NPAS3: variants seen among roughly 807,000 people sequenced by gnomAD.
The protein encoded by NPAS3 is neuronal PAS domain protein 3, also known as neuronal PAS domain-containing protein 3.
NPAS3 carries 14 observed loss-of-function variants against 73.1 expected under a neutral mutation model. That is an observed-to-expected ratio of 0.19 (90% CI 0.13 to 0.30). The LOEUF (loss-of-function observed/expected upper bound fraction) is 0.30, where lower values mean the gene tolerates loss of function less well. Among genes scored for constraint, NPAS3 ranks in the 10% least tolerant of loss-of-function variants. The probability of loss-of-function intolerance (pLI) is 1.00; values close to 1 mark genes in which losing one functional copy is unlikely to be tolerated. For missense variants in NPAS3, 1,096 were observed against 1,250.0 expected (o/e 0.88, Z 1.86); for synonymous variants, 620 against 541.5 (o/e 1.14, Z -2.01).
intron 4 of NPAS3, among the ~76,000 whole-genome samples, chr14:33,540,753 G>C (rs941354830): frequency 6.6e-6 from 1 of 152,138 alleles, no homozygotes; most frequent in Non-Finnish European, 1.5e-5. Flanking sequence ...GGGATTCAGG[G>C]AAGGGAACGA....
chr14:33,053,183 C>A (rs1265053033), intron 1 of NPAS3, among the ~76,000 whole-genome samples: 1 of 152,118 alleles, frequency 6.6e-6, no homozygotes, highest in Admixed American at 6.5e-5. Context: ...CTAGACAAAT[C>A]CCCTGTTATT....
intron 4 of NPAS3, among the ~76,000 whole-genome samples, chr14:33,497,647 G>A (rs1262828649): frequency 6.6e-6 from 1 of 152,140 alleles, no homozygotes; most frequent in African/African-American, 2.4e-5. Flanking sequence ...CTAGCCATAT[G>A]CAGAAAACTG....
At chr14:33,759,052 T>C (rs1478375375) in intron 7 of NPAS3, among the ~76,000 whole-genome samples, 1 of 152,186 alleles carries the variant, frequency 6.6e-6, no homozygotes. Context: ...AAACCAAAAG[T>C]GTGTCATAAT....
chr14:33,213,550 T>C (rs998041332), intron 2 of NPAS3: 6 of 152,194 alleles, frequency 3.9e-5, no homozygotes, highest in African/African-American at 1.4e-4. Context: ...CAGCTAAAAT[T>C]GAGCACTTGT....
At chr14:32,968,622 A>G (rs528978178) in intron 1 of NPAS3, among the ~76,000 whole-genome samples, 2 of 152,274 alleles carry the variant, frequency 1.3e-5, no homozygotes, top group South Asian at 2.1e-4. Context: ...ATTACTTTGC[A>G]TAACTAATAT....
chr14:33,651,516 TATAAG>T (rs1188487560), intron 5 of NPAS3, among the ~76,000 whole-genome samples: 2 of 152,092 alleles, frequency 1.3e-5, no homozygotes, highest in African/African-American at 2.4e-5. Context: ...TCTCAACTGA[TATAAG>T]ATAATTAGAA....
chr14:33,301,457 T>A (rs1186062076), intron 3 of NPAS3, among the ~76,000 whole-genome samples: 2 of 151,496 alleles, frequency 1.3e-5, no homozygotes, highest in Non-Finnish European at 2.9e-5. Flanking sequence ...AAAAAGAAAG[T>A]TTGTAAAACT....
intron 5 of NPAS3, among the ~76,000 whole-genome samples, chr14:33,565,824 A>G (rs1424073781): frequency 6.6e-6 from 1 of 152,318 alleles, no homozygotes; most frequent in South Asian, 2.1e-4. Context: ...AGTTCTTTTA[A>G]TAAATGAATG....
intron 3 of NPAS3, among the ~76,000 whole-genome samples, chr14:33,289,889 G>T (rs1354159065): frequency 6.6e-6 from 1 of 151,664 alleles, no homozygotes; most frequent in Admixed American, 6.6e-5. Context: ...TTAGCCTGTT[G>T]GTATTTCCCA....
chr14:33,341,497 A>C (rs2044478452), intron 3 of NPAS3, among the ~76,000 whole-genome samples: 1 of 152,088 alleles, frequency 6.6e-6, no homozygotes, highest in Admixed American at 6.6e-5. Context: ...TTGTCGTGCT[A>C]TGGACTAGTG....
At chr14:33,580,524 C>T (rs1473698165) in intron 5 of NPAS3, among the ~76,000 whole-genome samples, 3 of 152,120 alleles carry the variant, frequency 2.0e-5, no homozygotes, top group Non-Finnish European at 4.4e-5. Flanking sequence ...TTTTGCAACC[C>T]GTGTACCCAG....
chr14:33,287,487 G>A (rs776603500), intron 3 of NPAS3, among the ~76,000 whole-genome samples: 1 of 152,148 alleles, frequency 6.6e-6, no homozygotes, highest in African/African-American at 2.4e-5. Context: ...TGGACAGACT[G>A]CCTGGCTGAC....
chr14:33,307,200 A>T (rs371363421), intron 3 of NPAS3, among the ~76,000 whole-genome samples: 34 of 152,314 alleles, frequency 2.2e-4, no homozygotes, highest in African/African-American at 7.9e-4. Flanking sequence ...ATTATAAGGG[A>T]AAAGAGGTTT....
At chr14:33,166,127 G>A (rs549820409) in intron 2 of NPAS3, among the ~76,000 whole-genome samples, 1 of 152,112 alleles carries the variant, frequency 6.6e-6, no homozygotes, top group Non-Finnish European at 1.5e-5. Context: ...ATAGGCCTGC[G>A]ACCTGTGACT....
At chr14:33,273,915 C>T (rs2041215117) in intron 3 of NPAS3, among the ~76,000 whole-genome samples, 1 of 152,130 alleles carries the variant, frequency 6.6e-6, no homozygotes, top group Non-Finnish European at 1.5e-5. Flanking sequence ...ACTGATTTCT[C>T]ATCTAAATTC....
intron 2 of NPAS3, among the ~76,000 whole-genome samples, chr14:33,151,496 G>T (rs1191559657): frequency 6.6e-6 from 1 of 152,172 alleles, no homozygotes; most frequent in Non-Finnish European, 1.5e-5. Flanking sequence ...GCATTTTCTT[G>T]TGTATGCCTA....
chr14:32,986,715 A>G (rs2038113824), intron 1 of NPAS3, among the ~76,000 whole-genome samples: 1 of 152,268 alleles, frequency 6.6e-6, no homozygotes, highest in Non-Finnish European at 1.5e-5. Flanking sequence ...TAAAAAAGTT[A>G]GCAGTTCCAC....
At chr14:33,319,102 A>T (rs1476308990) in intron 3 of NPAS3, among the ~76,000 whole-genome samples, 3 of 150,710 alleles carry the variant, frequency 2.0e-5, no homozygotes, top group Non-Finnish European at 4.4e-5. Context: ...TTGAGTGTGT[A>T]GATCTTCCTG....
intron 5 of NPAS3, among the ~76,000 whole-genome samples, chr14:33,643,554 G>A (rs1265313971): frequency 6.6e-6 from 1 of 152,114 alleles, no homozygotes; most frequent in African/African-American, 2.4e-5. Flanking sequence ...GCTCCTTTGT[G>A]AGTTGGCTTT....
Sources: allele counts gnomAD v4.1 joint callset (sites outside exome capture counted in the v4.1 genomes callset), GRCh38; gene constraint gnomAD v4.1.1; transcripts MANE v1.5; gene names NCBI Gene and HGNC (gene_info 2026-07-23, HGNC 2026-07-21).